Variants in CPNE8 observed in about 807,000 individuals in gnomAD.
CPNE8 encodes the protein copine 8, also known as copine-8.
Under a neutral mutation model 81.5 loss-of-function variants are expected in CPNE8, and 45 were observed. The observed-to-expected ratio is 0.55, with a 90% CI of 0.44 to 0.71. The LOEUF (loss-of-function observed/expected upper bound fraction) is 0.71. Ranked by LOEUF, CPNE8 falls within the 30% of genes least tolerant of loss-of-function variation. CPNE8 has a pLI of 0.00. For missense variants in CPNE8, 594 were observed against 672.1 expected, an observed-to-expected ratio of 0.88 and a Z score of 1.28; for synonymous variants, 252 against 226.3, an observed-to-expected ratio of 1.11 and a Z score of -1.02.
At chr12:38,806,780 G>T (rs866087583) in intron 6 of CPNE8, among the ~76,000 whole-genome samples, 1 of 148,046 alleles carries the variant, frequency 6.8e-6, no homozygotes, top group Non-Finnish European at 1.5e-5. Flanking sequence ...AGGAAATAAA[G>T]GGTATTCAAT....
intron 10 of CPNE8, among the ~76,000 whole-genome samples, chr12:38,748,644 G>A (rs999547211): frequency 6.6e-6 from 1 of 151,920 alleles, no homozygotes; most frequent in Non-Finnish European, 1.5e-5. Flanking sequence ...GGGACTACAG[G>A]CACCCGCCAC....
chr12:38,869,306 T>C (rs1943957994), intron 3 of CPNE8, among the ~76,000 whole-genome samples: 1 of 152,228 alleles, frequency 6.6e-6, no homozygotes, highest in Non-Finnish European at 1.5e-5. Context: ...TTTAATGTCT[T>C]AGAATTATAA....
At chr12:38,852,728 G>A (rs972461979) in intron 3 of CPNE8, among the ~76,000 whole-genome samples, 5 of 152,036 alleles carry the variant, frequency 3.3e-5, no homozygotes, top group African/African-American at 1.2e-4. Context: ...GTTAAATAAG[G>A]GAGATCTGAG....
chr12:38,793,109 G>T (rs1236098605), intron 6 of CPNE8, among the ~76,000 whole-genome samples: 1 of 151,788 alleles, frequency 6.6e-6, no homozygotes, highest in South Asian at 2.1e-4. Context: ...AAAGTCCACA[G>T]CAACCATTGT....
intron 1 of CPNE8, among the ~76,000 whole-genome samples, chr12:38,891,897 A>C (rs1366798261): frequency 6.6e-6 from 1 of 152,278 alleles, no homozygotes; most frequent in African/African-American, 2.4e-5. Flanking sequence ...GTTTTGTAAT[A>C]ATCAATGATA....
At chr12:38,820,358 T>C (rs1334996580) in intron 6 of CPNE8, among the ~76,000 whole-genome samples, 1 of 151,818 alleles carries the variant, frequency 6.6e-6, no homozygotes, top group Admixed American at 6.6e-5. Flanking sequence ...TGAGCCGAGA[T>C]TGTGCCACTC....
chr12:38,797,880 G>C (rs1272829367), intron 6 of CPNE8, among the ~76,000 whole-genome samples: 5 of 152,132 alleles, frequency 3.3e-5, no homozygotes, highest in Admixed American at 6.5e-5. Context: ...GAAAGCAAAG[G>C]CTCGAGAACT....
intron 1 of CPNE8, among the ~76,000 whole-genome samples, chr12:38,877,159 A>G (rs771466899): frequency 1.2e-4 from 18 of 152,212 alleles, no homozygotes; most frequent in Admixed American, 3.3e-4. Context: ...CTTATTTTCT[A>G]TGAGTATTGA....
chr12:38,882,506 G>A (rs1273643788), intron 1 of CPNE8, among the ~76,000 whole-genome samples: 1 of 152,124 alleles, frequency 6.6e-6, no homozygotes, highest in Non-Finnish European at 1.5e-5. Context: ...CAAGGTTGTG[G>A]CAATTTATTA....
At chr12:38,747,585 T>C (rs968726913) in intron 10 of CPNE8, among the ~76,000 whole-genome samples, 1 of 152,194 alleles carries the variant, frequency 6.6e-6, no homozygotes, top group Non-Finnish European at 1.5e-5. Flanking sequence ...ATCTTTTCCA[T>C]GTATATATTT....
At chr12:38,864,086 C>T (rs1245435445) in intron 3 of CPNE8, among the ~76,000 whole-genome samples, 1 of 151,178 alleles carries the variant, frequency 6.6e-6, no homozygotes, top group East Asian at 1.9e-4. Context: ...AAAAAGAATG[C>T]CTCCTGTCAC....
chr12:38,800,882 C>T (rs1216894104), intron 6 of CPNE8, among the ~76,000 whole-genome samples: 44 of 59,706 alleles, frequency 7.4e-4, no homozygotes, highest in South Asian at 3.3e-3. Context: ...GGAGCCGATG[C>T]GATCAACTGG....
chr12:38,695,707 G>A (rs1278760692), intron 14 of CPNE8, among the ~76,000 whole-genome samples: 1 of 152,182 alleles, frequency 6.6e-6, no homozygotes, highest in Non-Finnish European at 1.5e-5. Context: ...GGGAGGCTGA[G>A]GCAGGTGGAC....
At chr12:38,687,372 TTC>T (rs66766780) in intron 15 of CPNE8, among the ~76,000 whole-genome samples, 24,260 of 102,914 alleles carry the variant, frequency 0.24, 3,875 homozygotes, top group Non-Finnish European at 0.33. Flanking sequence ...TGCCAAGACT[TTC>T]TTTTTTTTTT....
intron 16 of CPNE8, among the ~76,000 whole-genome samples, chr12:38,684,026 C>G (rs1388203690): frequency 1.3e-5 from 2 of 152,080 alleles, no homozygotes; most frequent in South Asian, 2.1e-4. Flanking sequence ...TTGATGAACA[C>G]ATTTCTAATA....
At chr12:38,821,177 T>C (rs759403364) in intron 6 of CPNE8, among the ~76,000 whole-genome samples, 1 of 152,210 alleles carries the variant, frequency 6.6e-6, no homozygotes, top group Non-Finnish European at 1.5e-5. Flanking sequence ...AATATTCTAA[T>C]TTTCATAGGG....
intron 18 of CPNE8, among the ~76,000 whole-genome samples, chr12:38,674,843 C>T (rs1939253488): frequency 6.6e-6 from 1 of 152,136 alleles, no homozygotes; most frequent in Admixed American, 6.6e-5. Context: ...AGTTAGCCAC[C>T]TATGTGCTTA....
chr12:38,660,646 C>T (rs963785707), intron 19 of CPNE8, among the ~76,000 whole-genome samples: 1 of 152,108 alleles, frequency 6.6e-6, no homozygotes, highest in Non-Finnish European at 1.5e-5. Context: ...AGCTTCTGCA[C>T]AGCAAAAGAC....
chr12:38,893,816 T>C (rs902673683), intron 1 of CPNE8, among the ~76,000 whole-genome samples: 3 of 152,240 alleles, frequency 2.0e-5, no homozygotes, highest in Non-Finnish European at 4.4e-5. Context: ...GCAATTGTTC[T>C]GATTAAAATT....
Sources: gnomAD v4.1 joint callset for allele counts (sites outside exome capture counted in the v4.1 genomes callset) on GRCh38, gnomAD v4.1.1 for gene constraint, MANE v1.5 for transcripts, NCBI Gene and HGNC (gene_info 2026-07-23, HGNC 2026-07-21) for gene names.